NKAIN2: variants seen among roughly 807,000 people sequenced by gnomAD.
NKAIN2 encodes the protein sodium/potassium-transporting ATPase subunit beta-1-interacting protein 2.
A neutral mutation model predicts 32.6 loss-of-function variants in NKAIN2; 14 were observed. The ratio of observed to expected loss-of-function variants is 0.43; its 90% CI spans 0.28 to 0.67. The LOEUF (loss-of-function observed/expected upper bound fraction) is 0.67, where lower values mean the gene tolerates loss of function less well. NKAIN2 is among the 30% of genes least tolerant of loss of function. NKAIN2 has a pLI of 0.17. For synonymous variants in NKAIN2, 80 were observed against 87.2 expected (o/e 0.92, Z 0.46); for missense variants, 198 against 258.3 (o/e 0.77, Z 1.60).
chr6:123,832,083 A>G (rs1774411961), intron 1 of NKAIN2, among the ~76,000 whole-genome samples: 1 of 152,174 alleles, frequency 6.6e-6, no homozygotes, highest in South Asian at 2.1e-4. Context: ...TTATAGTATC[A>G]TGCAGAGTAC....
intron 1 of NKAIN2, among the ~76,000 whole-genome samples, chr6:123,917,823 C>T (rs539461152): frequency 6.6e-6 from 1 of 152,126 alleles, no homozygotes; most frequent in East Asian, 1.9e-4. Flanking sequence ...GAATTAAGTT[C>T]TCTTTGTAAA....
At chr6:124,545,615 G>A (rs1360095341) in intron 3 of NKAIN2, among the ~76,000 whole-genome samples, 3 of 151,280 alleles carry the variant, frequency 2.0e-5, no homozygotes, top group Non-Finnish European at 4.4e-5. Flanking sequence ...AATAAATAAT[G>A]CAGAAAGAAT....
chr6:123,944,842 T>A (rs1467962357), intron 1 of NKAIN2, among the ~76,000 whole-genome samples: 1 of 152,050 alleles, frequency 6.6e-6, no homozygotes, highest in African/African-American at 2.4e-5. Flanking sequence ...GTTAAGGTCA[T>A]AGCTCTCGAT....
chr6:124,138,905 G>C (rs573082927), intron 1 of NKAIN2, among the ~76,000 whole-genome samples: 70 of 150,762 alleles, frequency 4.6e-4, no homozygotes, highest in African/African-American at 1.4e-3. Context: ...ATGATATAAT[G>C]GACTTTGAAG....
At chr6:124,245,301 T>C (rs903526766) in intron 1 of NKAIN2, among the ~76,000 whole-genome samples, 3 of 152,128 alleles carry the variant, frequency 2.0e-5, no homozygotes, top group African/African-American at 7.2e-5. Context: ...ATTCAAAAGA[T>C]ACTCAGCAGC....
intron 1 of NKAIN2, among the ~76,000 whole-genome samples, chr6:123,808,845 G>A (rs535811637): frequency 6.6e-6 from 1 of 152,254 alleles, no homozygotes; most frequent in South Asian, 2.1e-4. Context: ...ATTTCAGAGT[G>A]GAAGTCAGGG....
At chr6:124,135,515 T>TAAAAAAAAAAAA (rs56183476) in intron 1 of NKAIN2, among the ~76,000 whole-genome samples, 18 of 100,342 alleles carry the variant, frequency 1.8e-4, no homozygotes, top group Middle Eastern at 6.4e-3. Flanking sequence ...GCAACGATAG[T>TAAAAAAAAAAAA]AAAAAAAAAA....
chr6:124,154,344 T>C (rs1787876100), intron 1 of NKAIN2, among the ~76,000 whole-genome samples: 1 of 151,896 alleles, frequency 6.6e-6, no homozygotes, highest in Non-Finnish European at 1.5e-5. Context: ...GTTCTGTTCA[T>C]AGCCATGCTT....
At chr6:124,290,557 T>A (rs1795760859) in intron 2 of NKAIN2, among the ~76,000 whole-genome samples, 1 of 147,858 alleles carries the variant, frequency 6.8e-6, no homozygotes, top group African/African-American at 2.6e-5. Flanking sequence ...TGTGTGCGTC[T>A]GTGTTGCTAA....
At chr6:124,618,133 A>G (rs2115010675) in intron 3 of NKAIN2, among the ~76,000 whole-genome samples, 1 of 152,338 alleles carries the variant, frequency 6.6e-6, no homozygotes, top group South Asian at 2.1e-4. Flanking sequence ...TTTTTAGTTA[A>G]CCACTCTGGT....
chr6:124,344,452 T>A (rs1562501938), intron 2 of NKAIN2, among the ~76,000 whole-genome samples: 2 of 151,796 alleles, frequency 1.3e-5, no homozygotes, highest in Non-Finnish European at 2.9e-5. Flanking sequence ...TATTGATTCT[T>A]CCTACCCATG....
At chr6:124,025,368 G>A (rs549819633) in intron 1 of NKAIN2, among the ~76,000 whole-genome samples, 7 of 151,832 alleles carry the variant, frequency 4.6e-5, no homozygotes, top group African/African-American at 1.7e-4. Flanking sequence ...TATACCCCCA[G>A]CTCTAGAGGA....
intron 1 of NKAIN2, among the ~76,000 whole-genome samples, chr6:124,240,350 A>G (rs1292752964): frequency 6.6e-6 from 1 of 152,184 alleles, no homozygotes; most frequent in Non-Finnish European, 1.5e-5. Flanking sequence ...TTCTGAAACT[A>G]TTCCAAACAT....
intron 1 of NKAIN2, among the ~76,000 whole-genome samples, chr6:124,018,070 G>A (rs1050542926): frequency 4.6e-5 from 7 of 152,200 alleles, no homozygotes; most frequent in Non-Finnish European, 8.8e-5. Context: ...TCTAGGTGGA[G>A]GTTCCCAAAC....
At chr6:123,987,830 G>C (rs568776836) in intron 1 of NKAIN2, among the ~76,000 whole-genome samples, 1 of 152,228 alleles carries the variant, frequency 6.6e-6, no homozygotes, top group Admixed American at 6.5e-5. Flanking sequence ...AGATAATTCT[G>C]TTATCTTTTA....
At chr6:124,694,770 C>T (rs190809458) in intron 4 of NKAIN2, among the ~76,000 whole-genome samples, 4 of 152,216 alleles carry the variant, frequency 2.6e-5, no homozygotes, top group Admixed American at 6.5e-5. Flanking sequence ...TCTGAAGCTT[C>T]CTGCTAGCAT....
intron 4 of NKAIN2, among the ~76,000 whole-genome samples, chr6:124,697,773 A>C (rs1774572073): frequency 6.6e-6 from 1 of 152,210 alleles, no homozygotes; most frequent in Admixed American, 6.5e-5. Context: ...GGGATCAGCA[A>C]AAGATGTATG....
chr6:123,875,001 T>C (rs780498914), intron 1 of NKAIN2, among the ~76,000 whole-genome samples: 2 of 152,076 alleles, frequency 1.3e-5, no homozygotes, highest in African/African-American at 2.4e-5. Flanking sequence ...GAGCTCATAC[T>C]GTTTGTACTA....
intron 5 of NKAIN2, among the ~76,000 whole-genome samples, chr6:124,812,424 G>C (rs1197381168): frequency 3.3e-5 from 5 of 152,074 alleles, no homozygotes; most frequent in African/African-American, 1.2e-4. Flanking sequence ...CACTGTTCTG[G>C]GTTCTGAGGC....
Sources: gnomAD v4.1 joint callset for allele counts (sites outside exome capture counted in the v4.1 genomes callset) on GRCh38, gnomAD v4.1.1 for gene constraint, MANE v1.5 for transcripts, NCBI Gene and HGNC (gene_info 2026-07-23, HGNC 2026-07-21) for gene names.